The following SMC5 variants were observed in gnomAD, a reference collection of about 807,000 sequenced individuals.
SMC5 encodes structural maintenance of chromosomes protein 5.
SMC5 carries 88 observed loss-of-function variants against 148.3 expected under a neutral mutation model. The observed-to-expected ratio is 0.59, with a 90% CI of 0.50 to 0.71. The LOEUF (loss-of-function observed/expected upper bound fraction) is 0.71. Among genes scored for constraint, SMC5 ranks in the 30% least tolerant of loss-of-function variants. The pLI is 0.00. For synonymous variants in SMC5, 421 were observed against 432.8 expected (o/e 0.97, Z 0.34); for missense variants, 1,142 against 1,298.9 (o/e 0.88, Z 1.86).
chr9:70,282,213 G>A lies in SMC5; in HGVS notation c.820-209G>A, dbSNP rs118030079. ...ATCTGAACTGGTGATAGAAATAAAC[G>A]CTCAGTGATTATCAGGACTGTTATT... On this transcript the variant is annotated intron_variant, in intron 6 of 24. Transcript: ENST00000361138. Among the ~76,000 whole-genome samples, 510 of 152,120 alleles carry A rather than the reference G, an allele frequency of 3.4e-3. 2 individuals carry two copies. The highest frequency in any genetic ancestry group is 5.4e-3 in the Non-Finnish European group (369 of 67,982).
In SMC5 at chr9:70,300,055, A is replaced by G. The variant is rs377286227; in HGVS notation, c.1319A>G (p.Asp440Gly). 9 of 1,571,032 alleles carry G rather than the reference A, an allele frequency of 5.7e-6. No homozygotes were observed. Among genetic ancestry groups the G allele is most frequent in the Non-Finnish European group, 7.7e-6 (9 of 1,167,798 alleles). ...TGTTTTACAATTTTAGGTGTGGACG[A>G]TCATATTGTACGTTTTGACAATCTT... ...TLEKEKKSVD[D>G]HIVRFDNLMN... The change falls in exon 10 of 25, where the codon GAT (aspartate) becomes GGT (glycine). Residue 440 changes from aspartate to glycine, a missense_variant. This residue lies in a region of SMC5 where 743 missense variants were observed against 835.7 expected (regional missense o/e 0.89). Transcript: ENST00000361138.
intron 20 of SMC5, 52 bp downstream of exon 20, chr9:70,347,213 C>T (rs71503699): frequency 7.0e-7 from 1 of 1,437,890 alleles, no homozygotes; most frequent in Non-Finnish European, 9.8e-7. Flanking sequence ...CCACCACCCT[C>T]CCCATACACA....
chr9:70,294,313 T>C (rs1414394522), intron 8 of SMC5, among the ~76,000 whole-genome samples: 1 of 152,190 alleles, frequency 6.6e-6, no homozygotes, highest in Non-Finnish European at 1.5e-5. Flanking sequence ...GAGTGCCTGT[T>C]TAAGTTTTGT....
At chr9:70,351,818 G>A (rs2036810154) in intron 24 of SMC5, among the ~76,000 whole-genome samples, 1 of 152,164 alleles carries the variant, frequency 6.6e-6, no homozygotes, top group Admixed American at 6.5e-5. Flanking sequence ...GCTCACACCT[G>A]TAATCTCAGC....
At chr9:70,330,730 G>A (rs1250313864) in intron 17 of SMC5, among the ~76,000 whole-genome samples, 1 of 151,738 alleles carries the variant, frequency 6.6e-6, no homozygotes, top group African/African-American at 2.4e-5. Flanking sequence ...TTTTGGTAGA[G>A]ATGGGGTTTC....
chr9:70,299,249 A>G (rs2035290432), intron 9 of SMC5, among the ~76,000 whole-genome samples: 1 of 152,008 alleles, frequency 6.6e-6, no homozygotes, highest in African/African-American at 2.4e-5. Flanking sequence ...AGTATTGTTT[A>G]TTAAACTTAC....
intron 8 of SMC5, among the ~76,000 whole-genome samples, chr9:70,289,464 T>A (rs980645445): frequency 2.0e-5 from 3 of 152,240 alleles, no homozygotes; most frequent in Admixed American, 2.0e-4. Flanking sequence ...TTTATTTCTG[T>A]ACCATGTTTT....
chr9:70,282,724 C>T (rs1396016664), intron 7 of SMC5, 141 bp downstream of exon 7: 3 of 822,644 alleles, frequency 3.6e-6, no homozygotes. Flanking sequence ...ATTCTGCCAC[C>T]ATAGGATTTT....
intron 18 of SMC5, 92 bp downstream of exon 18, chr9:70,344,361 A>T: frequency 1.0e-6 from 1 of 974,998 alleles, no homozygotes; most frequent in Non-Finnish European, 1.4e-6. Context: ...CGTGAAAAAC[A>T]TGATGTGTCG....
rs563629183 is a variant in SMC5 at position 70,279,674 on chromosome 9, G to A, written c.678+1049G>A. On this transcript the variant is annotated intron_variant, in intron 5 of 24. Coordinates refer to ENST00000361138, the MANE Select transcript of SMC5 (RefSeq NM_015110.4). ...TCTACTAAAAATACAAAAATTAGCC[G>A]GGTGTGATGGTGGGCGCCTGTAATC... is the stretch of plus-strand genomic sequence containing the variant. 4.6e-5 allele frequency among the ~76,000 whole-genome samples: 7 copies of A among 151,996 alleles called. No homozygotes were observed. The East Asian group carries it at 7.7e-4, about 17-fold the overall frequency.
At position 70,352,071 on chromosome 9, in the gene SMC5, A is replaced by G. The variant is rs1233276785; in HGVS notation, c.3166-120A>G. ...ACTCCGGCCTGAGCAGCAGAGTGGGAAAAAAAAAGTTTTATTAATATTGCA... is the reference window on the plus strand; with the variant it reads ...ACTCCGGCCTGAGCAGCAGAGTGGGGAAAAAAAAGTTTTATTAATATTGCA... On this transcript the variant is annotated intron_variant, in intron 24 of 24. Transcript: ENST00000361138. 8.6e-5 allele frequency: 74 copies of G among 863,136 alleles called. 1 individual carries two copies. In the Admixed American group the frequency reaches 1.4e-3, roughly 16 times the overall value. 53.5% of individuals were successfully genotyped at this position (863,136 alleles called of 1,614,324 possible).
In SMC5 at chr9:70,347,900, A is replaced by G. The variant is rs146717447; in HGVS notation, c.2770-19A>G. 2.8e-4 allele frequency: 432 copies of G among 1,560,662 alleles called. 3 individuals are homozygous for G. The East Asian group carries it at 8.6e-3, about 31-fold the overall frequency. ...AATACTGCTTTTAAATTGTGTTTTT[A>G]TATTGCCTTTATTTGTAGGTAAAAG... On this transcript the variant is annotated intron_variant, in intron 21 of 24. Transcript: ENST00000361138.
intron 3 of SMC5, among the ~76,000 whole-genome samples, chr9:70,268,552 T>A (rs930494897): frequency 1.1e-4 from 16 of 151,720 alleles, no homozygotes; most frequent in African/African-American, 3.4e-4. Flanking sequence ...TATACTACTA[T>A]TAAGTAGTCA....
chr9:70,302,732 C>G lies in SMC5; in HGVS notation c.1465-2515C>G, dbSNP rs147021738. On this transcript the variant is annotated intron_variant, in intron 10 of 24. Transcript: ENST00000361138. ...TTCCTTAAGGATATCAGGGAAACCT[C>G]CAAACTGTGAATGTGTATTACACTT... Among the ~76,000 whole-genome samples the G allele has an allele frequency of 4.0e-4, 61 of 152,160 alleles. 1 individual carries two copies. Among genetic ancestry groups the G allele is most frequent in the African/African-American group, 1.4e-3 (58 of 41,530 alleles).
intron 8 of SMC5, among the ~76,000 whole-genome samples, chr9:70,288,244 T>C (rs1442948297): frequency 1.3e-5 from 2 of 152,180 alleles, no homozygotes; most frequent in African/African-American, 4.8e-5. Flanking sequence ...GATTGGCCTA[T>C]ACTTTTATTT....
intron 11 of SMC5, among the ~76,000 whole-genome samples, chr9:70,309,569 G>C (rs1204621531): frequency 4.6e-5 from 7 of 151,606 alleles, no homozygotes; most frequent in Non-Finnish European, 7.4e-5. Context: ...CCAGGAGTAG[G>C]GTCCATCTCA....
rs1266631587 is a variant in SMC5 at position 70,347,693 on chromosome 9, T to G, written c.2745T>G (p.Asp915Glu). 1 of 1,574,544 alleles carries G rather than the reference T, an allele frequency of 6.4e-7. No homozygotes were observed. The highest frequency in any genetic ancestry group is 8.6e-7 in the Non-Finnish European group (1 of 1,162,992). ...TAAAGGGAAAGAAAGTTGAACTAGA[T>G]CAATACAGGGAAAACATTTCACAGG... ...EELKGKKVEL[D>E]QYRENISQVK... Residue 915 changes from aspartate to glutamate, a missense_variant, in exon 21 of 25, where the codon GAT (aspartate) becomes GAG (glutamate). By Grantham distance (45) the Asp-to-Glu change is conservative (BLOSUM62 2). This residue lies in a region of SMC5 where 743 missense variants were observed against 835.7 expected (regional missense o/e 0.89). Coordinates refer to ENST00000361138, the MANE Select transcript of SMC5 (RefSeq NM_015110.4).
At chr9:70,269,500 A>G (rs2034386744) in intron 3 of SMC5, among the ~76,000 whole-genome samples, 1 of 152,102 alleles carries the variant, frequency 6.6e-6, no homozygotes, top group South Asian at 2.1e-4. Context: ...GGATCACCTG[A>G]GCCTGGGGAG....
In SMC5 at chr9:70,346,666, C is replaced by A; in HGVS notation, c.2568+17C>A. The A allele has an allele frequency of 3.7e-6, 6 of 1,613,568 alleles. No homozygotes were observed. The highest frequency in any genetic ancestry group is 4.2e-6 in the Non-Finnish European group (5 of 1,179,602). The stretch of plus-strand genomic sequence containing the variant: ...CTCCCCATGGTATGCAGTACTCATT[C>A]TTTTTTCCCAAGCTCCTGTTTTCCC... On this transcript the variant is annotated intron_variant, in intron 19 of 24. Transcript: ENST00000361138.
Sources: allele counts gnomAD v4.1 joint callset (sites outside exome capture counted in the v4.1 genomes callset), GRCh38; gene constraint gnomAD v4.1.1; regional missense constraint gnomAD v4.1.1; transcripts MANE v1.5; gene names NCBI Gene and HGNC (gene_info 2026-07-23, HGNC 2026-07-21).